The following PCDHA1 variants were observed in gnomAD, a reference collection of about 807,000 sequenced individuals.
PCDHA1 encodes the protein protocadherin alpha-1.
In PCDHA1, 42 loss-of-function variants were observed where a neutral mutation model predicts 61.3. The ratio of observed to expected loss-of-function variants is 0.69; its 90% CI spans 0.54 to 0.89. PCDHA1 has a LOEUF of 0.89. Among genes scored for constraint, PCDHA1 ranks in the 40% least tolerant of loss-of-function variants. The pLI is 0.00. For missense variants in PCDHA1, 1,256 were observed against 1,235.3 expected (o/e 1.02, Z -0.25); for synonymous variants, 610 against 553.8 (o/e 1.10, Z -1.43).
intron 1 of PCDHA1, chr5:140,821,574 GT>G: frequency 1.7e-6 from 1 of 585,200 alleles, no homozygotes; most frequent in East Asian, 3.0e-5. Flanking sequence ...ACACCGGAAG[GT>G]TTTTCTCCCT....
At chr5:140,942,737 A>C (rs180744405) in intron 1 of PCDHA1, among the ~76,000 whole-genome samples, 1 of 152,354 alleles carries the variant, frequency 6.6e-6, no homozygotes, top group East Asian at 1.9e-4. Context: ...AAAATATTTT[A>C]AAATCTTGTA....
chr5:140,829,456 C>A, intron 1 of PCDHA1: 1 of 1,613,884 alleles, frequency 6.2e-7, no homozygotes, highest in Non-Finnish European at 8.5e-7. Flanking sequence ...CTCCGGCGTT[C>A]GCGCAGCCCG....
chr5:140,964,968 G>A lies in PCDHA1; in HGVS notation c.2395-13981G>A, dbSNP rs566051914. On this transcript the variant is annotated intron_variant, in intron 1 of 3. Coordinates refer to ENST00000504120, the MANE Select transcript of PCDHA1 (RefSeq NM_018900.4). ...GAGTGTGCTTGGTTGGTGGAACGAA[G>A]GGATGTGCTAGTTCAGGCCTTTGAA... 3.9e-5 allele frequency among the ~76,000 whole-genome samples: 6 copies of A among 152,326 alleles called. No individual in the cohort carries two copies. In the South Asian group the frequency reaches 1.0e-3, roughly 26 times the overall value.
chr5:141,008,199 T>G (rs966441661), intron 3 of PCDHA1, among the ~76,000 whole-genome samples: 3 of 152,338 alleles, frequency 2.0e-5, no homozygotes, highest in Admixed American at 2.0e-4. Flanking sequence ...AGTAATATAA[T>G]GAACTTGACA....
At chr5:140,807,936 G>A in intron 1 of PCDHA1, 1 of 1,614,112 alleles carries the variant, frequency 6.2e-7, no homozygotes, top group South Asian at 1.1e-5. Flanking sequence ...TATAAGGTGA[G>A]ATTACTAGAA....
At position 140,787,763 on chromosome 5, in the gene PCDHA1, C is replaced by T. The variant is rs781913919; in HGVS notation, c.1473C>T (p.Ser491=). ...DADAQENALV[S]YSLVERRVGE... The stretch of plus-strand genomic sequence containing the variant: ...ACGCGCAGGAGAACGCGCTGGTGTC[C>T]TATTCGCTGGTGGAACGGCGGGTGG... Residue 491 remains serine (S), a synonymous_variant, in exon 1 of 4, where the codon TCC becomes TCT. Coordinates refer to ENST00000504120, the MANE Select transcript of PCDHA1 (RefSeq NM_018900.4). 1 of 1,613,222 alleles carries T rather than the reference C, an allele frequency of 6.2e-7. No homozygotes were observed. Among genetic ancestry groups the T allele is most frequent in the Non-Finnish European group, 8.5e-7 (1 of 1,179,844 alleles).
Position 140,849,890 on chromosome 5 carries a change from G to A in PCDHA1, c.2394+61206G>A, listed in dbSNP as rs17844330. ...AGTCCGAGTACACGGTGTTCGTGAA[G>A]GAGAACAACCCGCCGGGCTGCCACA... On this transcript the variant is annotated intron_variant, in intron 1 of 3. Transcript: ENST00000504120. 4.5e-4 allele frequency: 715 copies of A among 1,598,648 alleles called. 25 individuals are homozygous for A. In the East Asian group the frequency reaches 0.016, roughly 35 times the overall value.
rs781952785 is a variant in PCDHA1 at position 140,786,682 on chromosome 5, C to A, written c.392C>A (p.Pro131His). ...VKVKDINDNPPVFRGREQIIF... is the reference protein window; with the variant it reads ...VKVKDINDNPHVFRGREQIIF... The stretch of plus-strand genomic sequence containing the variant: ...GTGAAAGACATTAACGATAATCCAC[C>A]CGTCTTCAGGGGCAGAGAACAAATA... Residue 131 changes from proline (P) to histidine (H), a missense_variant, in exon 1 of 4, where the codon CCC becomes CAC. Physicochemically the swap from Pro to His is moderately conservative, Grantham distance 77 (BLOSUM62 -2). Coordinates refer to ENST00000504120, the MANE Select transcript of PCDHA1 (RefSeq NM_018900.4). The A allele has an allele frequency of 3.1e-6, 5 of 1,614,212 alleles. No individual in the cohort carries two copies. The highest frequency in any genetic ancestry group is 4.5e-5 in the East Asian group (2 of 44,888).
At chr5:140,999,524 C>T (rs1367103048) in intron 3 of PCDHA1, among the ~76,000 whole-genome samples, 1 of 152,026 alleles carries the variant, frequency 6.6e-6, no homozygotes, top group Non-Finnish European at 1.5e-5. Context: ...ATTTTGTTAC[C>T]CCCTGGATAT....
rs1292162881 is a variant in PCDHA1, at chr5:140,830,633, C to A, written c.2394+41949C>A. 3 of 514,128 alleles carry A rather than the reference C, an allele frequency of 5.8e-6. No homozygotes were observed. The Admixed American group carries it at 1.2e-4, about 21-fold the overall frequency. The allele number at this position is 514,128 out of a possible 1,614,324, so 31.8% of individuals were successfully genotyped here. On this transcript the variant is annotated intron_variant, in intron 1 of 3. Transcript: ENST00000504120. ...ATTTTATTGTGTTTCTTATTTTAAT[C>A]TCTTTGCTTCTTTAATATTCATAAT...
chr5:140,892,578 T>G (rs2063581965), intron 1 of PCDHA1, among the ~76,000 whole-genome samples: 1 of 152,178 alleles, frequency 6.6e-6, no homozygotes, highest in Non-Finnish European at 1.5e-5. Context: ...AAAGTATATC[T>G]CAGTATTCAT....
At chr5:140,981,019 T>A (rs1396794400) in intron 2 of PCDHA1, among the ~76,000 whole-genome samples, 1 of 152,242 alleles carries the variant, frequency 6.6e-6, no homozygotes, top group East Asian at 1.9e-4. Context: ...ACTTGAAGGC[T>A]GTTAATATTT....
chr5:140,793,655 A>C (rs908207165), intron 1 of PCDHA1, among the ~76,000 whole-genome samples: 1 of 151,850 alleles, frequency 6.6e-6, no homozygotes, highest in Admixed American at 6.6e-5. Context: ...ATGCTATCCC[A>C]CTCCTTGATT....
At position 140,786,723 on chromosome 5, in the gene PCDHA1, T is replaced by C. The variant is rs1193941296; in HGVS notation, c.433T>C (p.Ser145Pro). 3 of 1,614,118 alleles carry C rather than the reference T, an allele frequency of 1.9e-6. No homozygotes were observed. Among genetic ancestry groups the C allele is most frequent in the East Asian group, 4.5e-5 (2 of 44,904 alleles). The change falls in exon 1 of 4, where the codon TCT becomes CCT. Residue 145 changes from serine (S) to proline (P), a missense_variant. Transcript: ENST00000504120. ...GREQIIFIPE[S>P]RLLNSRFPIE... ...AGAACAAATAATATTTATTCCTGAA[T>C]CTAGACTCCTGAATTCGCGTTTTCC...
Position 140,997,511 on chromosome 5 carries a change from G to A in PCDHA1, c.2543-12116G>A, listed in dbSNP as rs565737825. Among the ~76,000 whole-genome samples, 79 of 152,108 alleles carry A rather than the reference G, an allele frequency of 5.2e-4. No individual in the cohort carries two copies. In the South Asian group the frequency reaches 1.0e-2, roughly 19 times the overall value. ...TTTGTGTATCTCAACATACCTAAACGCAGAAAAAGTACAATAAAAATACAT... is the reference window on the plus strand; with the variant it reads ...TTTGTGTATCTCAACATACCTAAACACAGAAAAAGTACAATAAAAATACAT... On this transcript the variant is annotated intron_variant, in intron 3 of 3. Transcript: ENST00000504120.
At chr5:140,891,818 C>T (rs1331998195) in intron 1 of PCDHA1, among the ~76,000 whole-genome samples, 1 of 152,118 alleles carries the variant, frequency 6.6e-6, no homozygotes, top group Non-Finnish European at 1.5e-5. Context: ...AATAAATTAA[C>T]GGCACTGTAA....
At chr5:140,970,953 G>A (rs975435719) in intron 1 of PCDHA1, among the ~76,000 whole-genome samples, 16 of 152,110 alleles carry the variant, frequency 1.1e-4, no homozygotes, top group South Asian at 4.1e-4. Flanking sequence ...AGAAACCATG[G>A]GAGGCAGATT....
rs1373197967 is a variant in PCDHA1, at chr5:140,787,559, G to A, written c.1269G>A (p.Leu423=). Residue 423 remains leucine (L), a synonymous_variant, in exon 1 of 4, where the codon CTG becomes CTA. Coordinates refer to ENST00000504120, the MANE Select transcript of PCDHA1 (RefSeq NM_018900.4). ...LDRESLSVYE[L]VVTARDGGSP... Reference sequence around the variant, plus strand: ...GCGAGAGCCTGTCGGTCTATGAGCTGGTGGTGACCGCGCGGGACGGGGGCT... The same window carrying A: ...GCGAGAGCCTGTCGGTCTATGAGCTAGTGGTGACCGCGCGGGACGGGGGCT... 3.1e-6 allele frequency: 5 copies of A among 1,614,232 alleles called. No individual in the cohort carries two copies. The highest frequency in any genetic ancestry group is 4.2e-6 in the Non-Finnish European group (5 of 1,180,046).
chr5:140,805,195 T>G (rs1383426581), intron 1 of PCDHA1: 2 of 1,457,630 alleles, frequency 1.4e-6, no homozygotes, highest in Non-Finnish European at 1.8e-6. Flanking sequence ...AAATATTGAA[T>G]AGCTACCAAA....
Sources: allele counts gnomAD v4.1 joint callset (sites outside exome capture counted in the v4.1 genomes callset), GRCh38; gene constraint gnomAD v4.1.1; transcripts MANE v1.5; gene names NCBI Gene and HGNC (gene_info 2026-07-23, HGNC 2026-07-21).